The following PRKD2 variants were observed in gnomAD, a reference collection of about 807,000 sequenced individuals.
PRKD2 encodes the protein serine/threonine-protein kinase D2.
A neutral mutation model predicts 86.0 loss-of-function variants in PRKD2; 22 were observed. The observed-to-expected ratio is 0.26, with a 90% CI of 0.18 to 0.37. The LOEUF (loss-of-function observed/expected upper bound fraction) is 0.37. Among genes scored for constraint, PRKD2 ranks in the 10% least tolerant of loss-of-function variants. The pLI is 1.00. For missense variants in PRKD2, 818 were observed against 1,199.2 expected, an observed-to-expected ratio of 0.68 and a Z score of 4.70; for synonymous variants, 509 against 510.9, an observed-to-expected ratio of 1.00 and a Z score of 0.05.
At position 46,693,737 on chromosome 19, in the gene PRKD2, A is replaced by T; in HGVS notation, c.1576+138T>A. 3 of 1,301,756 alleles carry T rather than the reference A, an allele frequency of 2.3e-6. No individual in the cohort carries two copies. The highest frequency in any genetic ancestry group is 3.1e-6 in the Non-Finnish European group (3 of 955,964). The allele number at this position is 1,301,756 out of a possible 1,614,324, so 80.6% of individuals were successfully genotyped here. On this transcript the variant is annotated intron_variant, in intron 10 of 17. Coordinates refer to ENST00000291281, the MANE Select transcript of PRKD2 (RefSeq NM_016457.5). This position sits in a 1 kb window ranked among gnomAD's most constrained non-coding sequence, Gnocchi z 4.5. ...AACAGGAGTGATTAACAGAGTTTGAACCCAGGCCTGCTGAGTCCAGAAGCT... is the reference window on the plus strand; with the variant it reads ...AACAGGAGTGATTAACAGAGTTTGATCCCAGGCCTGCTGAGTCCAGAAGCT...
chr19:46,686,380 G>A (rs2053397398), intron 14 of PRKD2, among the ~76,000 whole-genome samples: 1 of 151,412 alleles, frequency 6.6e-6, no homozygotes, highest in Non-Finnish European at 1.5e-5. Flanking sequence ...CATGCCTGTG[G>A]TTCCAGCTAA....
At chr19:46,701,255 A>G (rs1432007699) in intron 5 of PRKD2, 143 bp from the exon 6 acceptor site, 1 of 880,904 alleles carries the variant, frequency 1.1e-6, no homozygotes, top group Non-Finnish European at 1.8e-6. Context: ...TGCCCTGGTC[A>G]TTTTCCCACT....
Position 46,689,681 on chromosome 19 carries a change from C to G in PRKD2, c.1827G>C (p.Gly609=). The change falls in exon 14 of 18, where the codon GGG becomes GGC. Residue 609 remains glycine (G), a synonymous_variant. Coordinates refer to ENST00000291281, the MANE Select transcript of PRKD2 (RefSeq NM_016457.5). ...CGAACATGCACTCCAGGTTCACGAT[C>G]CCGGGATGCCGCAGGCTCTGCAGGG... ...VAILQSLRHP[G]IVNLECMFET... 2 of 1,614,082 alleles carry G rather than the reference C, an allele frequency of 1.2e-6. No homozygotes were observed. The highest frequency in any genetic ancestry group is 2.2e-5 in the South Asian group (2 of 91,086).
chr19:46,687,843 A>C (rs986958377), intron 14 of PRKD2, among the ~76,000 whole-genome samples: 4 of 152,048 alleles, frequency 2.6e-5, no homozygotes, highest in African/African-American at 4.8e-5. Context: ...TGAATGAATG[A>C]GAGAAAAAGG....
At position 46,674,602 on chromosome 19, in the gene PRKD2, G is replaced by A. The variant is rs1277444596; in HGVS notation, c.2558C>T (p.Thr853Met). 1.9e-6 allele frequency: 3 copies of A among 1,610,380 alleles called. No individual in the cohort carries two copies. The highest frequency in any genetic ancestry group is 1.7e-5 in the Admixed American group (1 of 59,994). ...EHPLPGSGLP[T>M]DRDLGGACPP... ...ACAGGCCCCACCGAGATCCCTGTCC[G>A]TGGGCAGCCCAGACCCAGGCAGCGG... Residue 853 changes from threonine (T) to methionine (M), a missense_variant, in exon 18 of 18, where the codon ACG (threonine) becomes ATG (methionine). By Grantham distance (81) the Thr-to-Met change is moderately conservative. Around this residue, in one of 5 missense-constraint regions of PRKD2, gnomAD observed 132 missense variants for 146.2 expected, o/e 0.90. Transcript: ENST00000291281.
chr19:46,704,373 G>C lies in PRKD2; in HGVS notation c.685C>G (p.Leu229Val), dbSNP rs769193163. ...GATGACGGGGGACGGCGAGGCAGGA[G>C]TTCGGTGGTGCTACGGCTCTGTCGT... ...AEELSRSTTE[L>V]LPRRPPSSSS... The change falls in exon 5 of 18, where the codon CTC (leucine) becomes GTC (valine). Residue 229 changes from leucine to valine, a missense_variant. Leu to Val is a conservative substitution (Grantham distance 32). Around this residue, in one of 5 missense-constraint regions of PRKD2, gnomAD observed 403 missense variants for 518.6 expected, o/e 0.78. Coordinates refer to ENST00000291281, the MANE Select transcript of PRKD2 (RefSeq NM_016457.5). 10 of 1,614,068 alleles carry C rather than the reference G, an allele frequency of 6.2e-6. No individual in the cohort carries two copies. The highest frequency in any genetic ancestry group is 8.5e-6 in the Non-Finnish European group (10 of 1,180,014).
intron 15 of PRKD2, 135 bp downstream of exon 15, chr19:46,681,515 C>T: frequency 1.5e-6 from 1 of 647,460 alleles, no homozygotes; most frequent in East Asian, 2.8e-5. Context: ...GCCTCAGCCT[C>T]TCAAAATGCT....
At chr19:46,713,264 C>T (rs1396443879) in intron 2 of PRKD2, among the ~76,000 whole-genome samples, 1 of 148,458 alleles carries the variant, frequency 6.7e-6, no homozygotes, top group Admixed American at 6.7e-5. Flanking sequence ...TGGGCTCCAG[C>T]GATCCTCCCA....
chr19:46,685,596 A>T (rs2122614932), intron 14 of PRKD2: 1 of 152,470 alleles, frequency 6.6e-6, no homozygotes, highest in South Asian at 2.1e-4. Context: ...CAGAAAGAGA[A>T]ACCCCCTCAG....
At chr19:46,698,588 G>A (rs2053593677) in intron 7 of PRKD2, among the ~76,000 whole-genome samples, 1 of 152,232 alleles carries the variant, frequency 6.6e-6, no homozygotes, top group African/African-American at 2.4e-5. Context: ...CACTGGGTAA[G>A]TGATTCAACC....
chr19:46,696,843 T>C (rs965330125), intron 9 of PRKD2, among the ~76,000 whole-genome samples: 2 of 152,094 alleles, frequency 1.3e-5, no homozygotes, highest in African/African-American at 2.4e-5. Flanking sequence ...CTTAAGCCAA[T>C]TGGTTTAGTG....
intron 5 of PRKD2, among the ~76,000 whole-genome samples, chr19:46,703,962 C>CA (rs2053672913): frequency 9.9e-6 from 1 of 100,676 alleles, no homozygotes; most frequent in African/African-American, 4.3e-5. Context: ...AACAACAACA[C>CA]ACACACACAC....
chr19:46,698,322 C>T (rs936252180), intron 7 of PRKD2, among the ~76,000 whole-genome samples: 7 of 152,166 alleles, frequency 4.6e-5, no homozygotes, highest in African/African-American at 1.4e-4. Flanking sequence ...CTCGGCCTCC[C>T]AGAGTGCTTA....
rs977687056 is a variant in PRKD2, at chr19:46,704,278, C to T, written c.780G>A (p.Lys260=). The change falls in exon 5 of 18, where the codon AAG becomes AAA. Residue 260 remains lysine, a synonymous_variant. Coordinates refer to ENST00000291281, the MANE Select transcript of PRKD2 (RefSeq NM_016457.5). ...PIELDKMLLS[K]VKVPHTFLIH... is the part of the protein sequence containing the mutation. ...TGAGGAAGGTGTGCGGCACCTTGAC[C>T]TTGGAGAGCAGCATCTTGTCCAGCT... The T allele has an allele frequency of 2.5e-6, 4 of 1,614,102 alleles. No individual in the cohort carries two copies. The highest frequency in any genetic ancestry group is 3.3e-5 in the Admixed American group (2 of 60,004).
chr19:46,713,163 C>T (rs2053832065), intron 2 of PRKD2, among the ~76,000 whole-genome samples: 1 of 148,994 alleles, frequency 6.7e-6, no homozygotes, highest in Non-Finnish European at 1.5e-5. Flanking sequence ...AGACTACAGA[C>T]GTGTGCCACC....
intron 13 of PRKD2, 60 bp downstream of exon 13, chr19:46,690,538 TAC>T: frequency 6.5e-7 from 1 of 1,529,472 alleles, no homozygotes; most frequent in Non-Finnish European, 9.1e-7. Flanking sequence ...TGACCACCCC[TAC>T]ACTGGGTCAG....
chr19:46,674,866 A>T, intron 17 of PRKD2, 131 bp from the exon 18 acceptor site: 1 of 1,196,004 alleles, frequency 8.4e-7, no homozygotes, highest in South Asian at 1.5e-5. Context: ...CCCAGCCAGT[A>T]GACATTTAGC....
intron 9 of PRKD2, among the ~76,000 whole-genome samples, chr19:46,695,479 T>G (rs559150456): frequency 1.3e-5 from 2 of 152,292 alleles, no homozygotes; most frequent in South Asian, 4.1e-4. Context: ...CGAGACTCCG[T>G]CTCAAAAATA....
At chr19:46,701,160 T>G (rs1173078644) in intron 5 of PRKD2, 48 bp from the exon 6 acceptor site, 3 of 1,576,104 alleles carry the variant, frequency 1.9e-6, no homozygotes, top group African/African-American at 1.4e-5. Flanking sequence ...GAAGAGAGGT[T>G]ACCTGGAAGG....
Sources: gnomAD v4.1 joint callset for allele counts (sites outside exome capture counted in the v4.1 genomes callset) on GRCh38, gnomAD v4.1.1 for gene constraint, gnomAD v4.1.1 regional missense constraint, Gnocchi (gnomAD v3.1) non-coding constraint, MANE v1.5 for transcripts, NCBI Gene and HGNC (gene_info 2026-07-23, HGNC 2026-07-21) for gene names.